COG5: variants seen among roughly 807,000 people sequenced by gnomAD.
The protein encoded by COG5 is component of oligomeric golgi complex 5, also known as conserved oligomeric Golgi complex subunit 5.
A neutral mutation model predicts 110.4 loss-of-function variants in COG5; 86 were observed. The observed-to-expected ratio is 0.78, with a 90% CI of 0.65 to 0.93. The LOEUF (loss-of-function observed/expected upper bound fraction) is 0.93. Among genes scored for constraint, COG5 ranks in the 40% least tolerant of loss-of-function variants. The pLI is 0.00. For synonymous variants in COG5, 360 were observed against 334.6 expected, an observed-to-expected ratio of 1.08 and a Z score of -0.83; for missense variants, 1,077 against 987.0, an observed-to-expected ratio of 1.09 and a Z score of -1.22.
intron 21 of COG5, among the ~76,000 whole-genome samples, chr7:107,206,954 AAAATAAG>A (rs1232344115): frequency 4.5e-4 from 68 of 152,302 alleles, no homozygotes; most frequent in African/African-American, 1.6e-3. Flanking sequence ...GTTTGTAACC[AAAATAAG>A]TAGATTATTG....
chr7:107,560,753 C>A (rs1803708898), intron 1 of COG5, among the ~76,000 whole-genome samples: 1 of 152,108 alleles, frequency 6.6e-6, no homozygotes, highest in Admixed American at 6.5e-5. Context: ...TATTATAGAA[C>A]TAGCACTGCT....
At chr7:107,359,699 C>T (rs750689010) in intron 10 of COG5, among the ~76,000 whole-genome samples, 23 of 152,256 alleles carry the variant, frequency 1.5e-4, no homozygotes, top group Non-Finnish European at 3.2e-4. Context: ...GACGACAGGA[C>T]TATCTGCCTG....
In COG5 at chr7:107,253,857, A is replaced by C. The variant is rs577344845; in HGVS notation, c.1749+2875T>G. 8.6e-5 allele frequency among the ~76,000 whole-genome samples: 13 copies of C among 151,842 alleles called. No homozygotes were observed. The East Asian group carries it at 2.3e-3, about 27-fold the overall frequency. On this transcript the variant is annotated intron_variant, in intron 16 of 21. Transcript: ENST00000297135. ...CTTGCCCCAGATGGCTGCTTGGCTCACTCCTTCACTTCCTTCAGATTTTTG... is the reference window on the plus strand; with the variant it reads ...CTTGCCCCAGATGGCTGCTTGGCTCCCTCCTTCACTTCCTTCAGATTTTTG...
chr7:107,460,589 A>G (rs1795929837), intron 6 of COG5, among the ~76,000 whole-genome samples: 1 of 152,134 alleles, frequency 6.6e-6, no homozygotes, highest in South Asian at 2.1e-4. Context: ...AAAGTAGAGA[A>G]GAAAGGAAAT....
intron 6 of COG5, among the ~76,000 whole-genome samples, chr7:107,485,761 G>C (rs1295959411): frequency 6.6e-6 from 1 of 152,132 alleles, no homozygotes; most frequent in Non-Finnish European, 1.5e-5. Flanking sequence ...CATTGGGGTT[G>C]TACTTGCTTA....
At chr7:107,295,800 T>C (rs186176916) in intron 12 of COG5, among the ~76,000 whole-genome samples, 2 of 152,316 alleles carry the variant, frequency 1.3e-5, no homozygotes, top group African/African-American at 2.4e-5. Flanking sequence ...TTTTATTTTA[T>C]TTATTTTTTG....
chr7:107,539,604 T>C (rs1212297087), intron 5 of COG5, among the ~76,000 whole-genome samples: 1 of 152,048 alleles, frequency 6.6e-6, no homozygotes, highest in Non-Finnish European at 1.5e-5. Flanking sequence ...GTAATGAAAA[T>C]ATTCTGGCAT....
chr7:107,280,420 C>T (rs1805072364), intron 14 of COG5, among the ~76,000 whole-genome samples: 2 of 152,006 alleles, frequency 1.3e-5, no homozygotes, highest in South Asian at 4.2e-4. Context: ...ACCAACTTAC[C>T]CTAAAAATTA....
intron 10 of COG5, among the ~76,000 whole-genome samples, chr7:107,343,625 G>A (rs554108869): frequency 3.2e-4 from 49 of 152,244 alleles, no homozygotes; most frequent in African/African-American, 4.3e-4. Flanking sequence ...AGATTGCAGC[G>A]AGCTGACGTC....
At chr7:107,457,514 C>T (rs1274065153) in intron 6 of COG5, among the ~76,000 whole-genome samples, 1 of 152,088 alleles carries the variant, frequency 6.6e-6, no homozygotes, top group Non-Finnish European at 1.5e-5. Context: ...CTGCAAGCGC[C>T]GCCTCCCAGG....
chr7:107,508,557 G>C (rs1288129370), intron 6 of COG5, among the ~76,000 whole-genome samples: 3 of 152,242 alleles, frequency 2.0e-5, no homozygotes, highest in Admixed American at 6.5e-5. Flanking sequence ...CGCAGCTGGA[G>C]ATCTGAGAAT....
intron 6 of COG5, among the ~76,000 whole-genome samples, chr7:107,467,419 C>T (rs369382597): frequency 1.3e-5 from 2 of 152,082 alleles, no homozygotes; most frequent in East Asian, 3.9e-4. Flanking sequence ...GGTAGCGGTG[C>T]AATCGCAGCT....
chr7:107,370,459 T>G (rs944412053), intron 8 of COG5, among the ~76,000 whole-genome samples: 7 of 152,056 alleles, frequency 4.6e-5, no homozygotes, highest in African/African-American at 1.7e-4. Context: ...ATCAGGAAAC[T>G]AACATTAATA....
chr7:107,290,754 G>A (rs764572153), intron 12 of COG5, among the ~76,000 whole-genome samples: 2 of 152,036 alleles, frequency 1.3e-5, no homozygotes, highest in Non-Finnish European at 2.9e-5. Flanking sequence ...CTTTGTTTCT[G>A]CTGAGAAGTC....
At chr7:107,508,265 C>A (rs1215938385) in intron 6 of COG5, among the ~76,000 whole-genome samples, 3 of 152,222 alleles carry the variant, frequency 2.0e-5, no homozygotes, top group East Asian at 1.9e-4. Flanking sequence ...CCTATGCCCA[C>A]AGAGTCTCGC....
At chr7:107,383,260 G>A (rs576184949) in intron 7 of COG5, among the ~76,000 whole-genome samples, 5 of 152,132 alleles carry the variant, frequency 3.3e-5, no homozygotes, top group Non-Finnish European at 5.9e-5. Context: ...CAACCCCTCC[G>A]AGACACATTT....
At chr7:107,225,514 T>C (rs1017335211) in intron 19 of COG5, among the ~76,000 whole-genome samples, 1 of 152,188 alleles carries the variant, frequency 6.6e-6, no homozygotes, top group African/African-American at 2.4e-5. Flanking sequence ...AATACTTTTA[T>C]TCATTTATTT....
At chr7:107,412,414 C>T in intron 7 of COG5, 88 bp downstream of exon 7, 1 of 1,204,568 alleles carries the variant, frequency 8.3e-7, no homozygotes, top group Non-Finnish European at 1.2e-6. Flanking sequence ...TACTATAAGA[C>T]ATATATTACT....
At chr7:107,222,782 A>T (rs1341596176) in intron 19 of COG5, among the ~76,000 whole-genome samples, 5 of 152,248 alleles carry the variant, frequency 3.3e-5, no homozygotes, top group African/African-American at 1.2e-4. Flanking sequence ...AGATACACCA[A>T]ATGCCACAAT....
Sources: gnomAD v4.1 joint callset for allele counts (sites outside exome capture counted in the v4.1 genomes callset) on GRCh38, gnomAD v4.1.1 for gene constraint, MANE v1.5 for transcripts, NCBI Gene and HGNC (gene_info 2026-07-23, HGNC 2026-07-21) for gene names.